ASPH: variants seen among roughly 807,000 people sequenced by gnomAD.
The protein encoded by ASPH is aspartate beta-hydroxylase, also known as aspartyl/asparaginyl beta-hydroxylase.
ASPH carries 100 observed loss-of-function variants against 118.4 expected under a neutral mutation model. The ratio of observed to expected loss-of-function variants is 0.84; its 90% CI spans 0.72 to 1.00. ASPH has a LOEUF of 1.00. Among genes scored for constraint, ASPH ranks in the 50% least tolerant of loss-of-function variants. The pLI is 0.00. For synonymous variants in ASPH, 315 were observed against 325.6 expected, an observed-to-expected ratio of 0.97 and a Z score of 0.35; for missense variants, 920 against 919.5, an observed-to-expected ratio of 1.00 and a Z score of -0.01.
At chr8:61,607,849 C>T (rs1278260747) in intron 14 of ASPH, among the ~76,000 whole-genome samples, 2 of 152,136 alleles carry the variant, frequency 1.3e-5, no homozygotes, top group Admixed American at 6.6e-5. Flanking sequence ...TGACATGTCC[C>T]CACATACATG....
chr8:61,635,008 C>G (rs1309838131), intron 12 of ASPH, among the ~76,000 whole-genome samples: 4 of 152,156 alleles, frequency 2.6e-5, no homozygotes, highest in Non-Finnish European at 5.9e-5. Flanking sequence ...TCTATCAGCA[C>G]AATCTGGGTT....
At chr8:61,584,117 G>T in intron 14 of ASPH, 88 bp from the exon 15 acceptor site, 1 of 806,026 alleles carries the variant, frequency 1.2e-6, no homozygotes, top group Non-Finnish European at 1.9e-6. Flanking sequence ...TGGGAAACCT[G>T]ATGCTGGTCT....
chr8:61,559,040 AT>A (rs565464347), intron 18 of ASPH, among the ~76,000 whole-genome samples: 3 of 151,872 alleles, frequency 2.0e-5, no homozygotes, highest in Non-Finnish European at 2.9e-5. Context: ...TCTTTTTCTA[AT>A]TTTTTAATTT....
chr8:61,683,407 TG>T (rs1317569781), intron 2 of ASPH: 1 of 151,964 alleles, frequency 6.6e-6, no homozygotes. Flanking sequence ...TAAAAAATCA[TG>T]AAAAACTTCA....
chr8:61,705,704 A>G (rs139791018), intron 1 of ASPH, among the ~76,000 whole-genome samples: 31 of 152,366 alleles, frequency 2.0e-4, no homozygotes, highest in African/African-American at 6.7e-4. Context: ...ACAAAGGTAG[A>G]AATGGATATA....
intron 21 of ASPH, among the ~76,000 whole-genome samples, chr8:61,542,612 T>C (rs1392985206): frequency 1.3e-5 from 2 of 152,206 alleles, no homozygotes; most frequent in Non-Finnish European, 2.9e-5. Context: ...GCATTGGTTT[T>C]GGAATAAGAT....
intron 6 of ASPH, among the ~76,000 whole-genome samples, chr8:61,645,529 C>T (rs151051124): frequency 6.6e-6 from 1 of 152,246 alleles, no homozygotes; most frequent in East Asian, 1.9e-4. Flanking sequence ...AAACTGGAAA[C>T]CTTGTCCCAA....
chr8:61,613,355 G>A (rs1848052998), intron 14 of ASPH, among the ~76,000 whole-genome samples: 1 of 152,158 alleles, frequency 6.6e-6, no homozygotes, highest in Non-Finnish European at 1.5e-5. Flanking sequence ...GGACTGGCCA[G>A]CCTCTACAAT....
intron 3 of ASPH, chr8:61,675,630 G>A (rs1253988101): frequency 1.0e-6 from 1 of 978,422 alleles, no homozygotes; most frequent in Non-Finnish European, 1.2e-6. Flanking sequence ...GAACAGAGAA[G>A]CATTTAACTT....
Position 61,646,898 on chromosome 8 carries a change from G to C in ASPH, c.491-20C>G. The C allele has an allele frequency of 6.2e-7, 1 of 1,613,344 alleles. No individual in the cohort carries two copies. Among genetic ancestry groups the C allele is most frequent in the Non-Finnish European group, 8.5e-7 (1 of 1,179,584 alleles). ...CCTCAACTATGACAATGAACAAAGTGACACTGGCAACATACAACTGAGACA... is the reference window on the plus strand; with the variant it reads ...CCTCAACTATGACAATGAACAAAGTCACACTGGCAACATACAACTGAGACA... On this transcript the variant is annotated intron_variant, in intron 5 of 24. Transcript: ENST00000379454.
intron 24 of ASPH, among the ~76,000 whole-genome samples, chr8:61,511,981 C>T (rs182422276): frequency 6.6e-6 from 1 of 152,312 alleles, no homozygotes; most frequent in African/African-American, 2.4e-5. Flanking sequence ...AAGGGAAACT[C>T]CCAGCTGCTT....
intron 24 of ASPH, among the ~76,000 whole-genome samples, chr8:61,512,023 T>C (rs1809046467): frequency 6.6e-6 from 1 of 152,162 alleles, no homozygotes; most frequent in Non-Finnish European, 1.5e-5. Flanking sequence ...AACCCAGCAT[T>C]TGAAGTGATC....
At chr8:61,564,986 T>C (rs1831191391) in intron 17 of ASPH, among the ~76,000 whole-genome samples, 1 of 152,196 alleles carries the variant, frequency 6.6e-6, no homozygotes, top group Non-Finnish European at 1.5e-5. Flanking sequence ...ACTGATGATC[T>C]GTTATGGGAA....
chr8:61,557,700 T>C (rs1397876556), intron 18 of ASPH, among the ~76,000 whole-genome samples: 1 of 152,232 alleles, frequency 6.6e-6, no homozygotes, highest in Non-Finnish European at 1.5e-5. Context: ...ATGCATAGCA[T>C]AGCATTCAGG....
chr8:61,515,252 C>A (rs976671752), intron 24 of ASPH, among the ~76,000 whole-genome samples: 14 of 152,164 alleles, frequency 9.2e-5, no homozygotes, highest in East Asian at 1.9e-4. Context: ...CATTCTCCAA[C>A]CTCCTCTCTG....
At chr8:61,573,294 A>G (rs1414285591) in intron 16 of ASPH, among the ~76,000 whole-genome samples, 2 of 152,210 alleles carry the variant, frequency 1.3e-5, no homozygotes, top group Non-Finnish European at 2.9e-5. Context: ...TGCCCAAAGT[A>G]ATTTATAGAT....
At chr8:61,653,845 T>G (rs1588710794) in intron 3 of ASPH, among the ~76,000 whole-genome samples, 185 bp from the exon 4 acceptor site, 1 of 152,382 alleles carries the variant, frequency 6.6e-6, no homozygotes, top group African/African-American at 2.4e-5. Context: ...GAGCCTTGAA[T>G]ATATCTCTTT....
chr8:61,539,640 C>G (rs2130324479), intron 21 of ASPH, among the ~76,000 whole-genome samples: 1 of 150,664 alleles, frequency 6.6e-6, no homozygotes, highest in South Asian at 2.1e-4. Flanking sequence ...CCAATTATTA[C>G]TTTAGAGAAA....
intron 24 of ASPH, among the ~76,000 whole-genome samples, chr8:61,515,895 T>G (rs761198928): frequency 6.6e-6 from 1 of 152,146 alleles, no homozygotes; most frequent in African/African-American, 2.4e-5. Context: ...CTGTTTATCT[T>G]TTGGGTGGGC....
Sources: gnomAD v4.1 joint callset for allele counts (sites outside exome capture counted in the v4.1 genomes callset) on GRCh38, gnomAD v4.1.1 for gene constraint, MANE v1.5 for transcripts, NCBI Gene and HGNC (gene_info 2026-07-23, HGNC 2026-07-21) for gene names.